The following MICU2 variants were observed in gnomAD, a reference collection of about 807,000 sequenced individuals.
The protein encoded by MICU2 is calcium uptake protein 2, mitochondrial.
Under a neutral mutation model 60.4 loss-of-function variants are expected in MICU2, and 64 were observed. The ratio of observed to expected loss-of-function variants is 1.06; its 90% confidence interval spans 0.87 to 1.31. The LOEUF is 1.31. Among genes scored for constraint, MICU2 ranks in the 50% most tolerant of loss-of-function variants. The pLI is 0.00. For missense variants in MICU2, 569 were observed against 531.0 expected, an observed-to-expected ratio of 1.07 and a Z score of -0.70; for synonymous variants, 201 against 175.0, an observed-to-expected ratio of 1.15 and a Z score of -1.17.
rs768348566 is a variant in MICU2, at chr13:21,496,171, AAG to A, written c.934-13_934-12del. Reference sequence around the variant, plus strand: ...ATCCAAACTAATGCTCTAATAAAGTAAGAGTTTTTATTACAATTTTGTAAGTA... The same window carrying A: ...ATCCAAACTAATGCTCTAATAAAGTAAGTTTTTATTACAATTTTGTAAGTA... On this transcript the variant is annotated splice_polypyrimidine_tract_variant and intron_variant, in intron 9 of 11. Coordinates refer to ENST00000382374, the MANE Select transcript of MICU2 (RefSeq NM_152726.3). The A allele has an allele frequency of 2.5e-6, 4 of 1,577,662 alleles. No individual in the cohort carries two copies. Among genetic ancestry groups the A allele is most frequent in the Admixed American group, 1.8e-5 (1 of 56,666 alleles).
chr13:21,544,242 T>C lies in MICU2; in HGVS notation c.359-4554A>G, dbSNP rs79685882. On this transcript the variant is annotated intron_variant, in intron 2 of 11. Transcript: ENST00000382374. ...AAACAGGTGAAATACTTCAGGACATTGGTTTGGGAAATGATTTTATGAATA... is the reference window on the plus strand; with the variant it reads ...AAACAGGTGAAATACTTCAGGACATCGGTTTGGGAAATGATTTTATGAATA... 5.2e-3 allele frequency among the ~76,000 whole-genome samples: 786 copies of C among 152,214 alleles called. 13 individuals carry two copies. Among genetic ancestry groups the C allele is most frequent in the African/African-American group, 0.018 (739 of 41,518 alleles).
Position 21,493,181 on chromosome 13 carries a change from A to T in MICU2, c.*68T>A. 1 of 960,252 alleles carries T rather than the reference A, an allele frequency of 1.0e-6. No individual in the cohort carries two copies. The highest frequency in any genetic ancestry group is 1.5e-6 in the Non-Finnish European group (1 of 648,908). 59.5% of individuals were successfully genotyped at this position (960,252 alleles called of 1,614,324 possible). On this transcript the variant is annotated 3_prime_UTR_variant, in exon 12 of 12. Transcript: ENST00000382374. ...TGAAGACTTAAGAAGATAAATAGCA[A>T]GTACTTCTAAAAAATCACAAATTTT...
At chr13:21,561,690 CTT>C (rs34858728) in intron 2 of MICU2, among the ~76,000 whole-genome samples, 31,682 of 135,020 alleles carry the variant, frequency 0.23, 4,320 homozygotes, top group East Asian at 0.68. Context: ...AAGTGGGTTT[CTT>C]TTTTTTTTTT....
At chr13:21,542,197 A>C (rs1303924764) in intron 2 of MICU2, among the ~76,000 whole-genome samples, 1 of 152,168 alleles carries the variant, frequency 6.6e-6, no homozygotes, top group Non-Finnish European at 1.5e-5. Flanking sequence ...CAGTTGTCTC[A>C]CCCAGGATGC....
intron 2 of MICU2, among the ~76,000 whole-genome samples, chr13:21,562,185 T>A (rs1200176197): frequency 6.6e-6 from 1 of 152,084 alleles, no homozygotes; most frequent in African/African-American, 2.4e-5. Context: ...TGTGCATGTG[T>A]CTTTATAGCA....
At chr13:21,501,268 C>CTT (rs1298258740) in intron 9 of MICU2, among the ~76,000 whole-genome samples, 4 of 145,330 alleles carry the variant, frequency 2.8e-5, no homozygotes, top group Admixed American at 1.4e-4. Context: ...CATATAAAGT[C>CTT]TTTTTTTTTT....
At chr13:21,533,908 G>A (rs562134519) in intron 4 of MICU2, among the ~76,000 whole-genome samples, 1 of 152,190 alleles carries the variant, frequency 6.6e-6, no homozygotes, top group South Asian at 2.1e-4. Flanking sequence ...TCACATCAAA[G>A]TCAAATATTT....
At chr13:21,585,850 A>G (rs779812859) in intron 1 of MICU2, among the ~76,000 whole-genome samples, 7 of 152,220 alleles carry the variant, frequency 4.6e-5, no homozygotes, top group Non-Finnish European at 1.0e-4. Flanking sequence ...CTCACAAAAT[A>G]AAAAATGAGT....
chr13:21,523,271 T>C (rs1284995344), intron 4 of MICU2, among the ~76,000 whole-genome samples: 5 of 152,188 alleles, frequency 3.3e-5, no homozygotes, highest in Admixed American at 6.5e-5. Context: ...CCAACCTCTA[T>C]CTAAATCTCC....
chr13:21,565,467 C>A (rs1191970450), intron 2 of MICU2, among the ~76,000 whole-genome samples: 1 of 152,082 alleles, frequency 6.6e-6, no homozygotes, highest in Admixed American at 6.6e-5. Context: ...ACCATCCTGG[C>A]AAACACAGTG....
Position 21,493,304 on chromosome 13 carries a change from T to G in MICU2, c.1250A>C (p.Glu417Ala), listed in dbSNP as rs1238743538. ...GACTTCTTTTACTCCTTTAATGCTT[T>G]CTTTCTTCACACACTTCCAGTATTC... ...IQEYWKCVKKESIKGVKEVWK... is the reference protein window; with the variant it reads ...IQEYWKCVKKASIKGVKEVWK... The change falls in exon 12 of 12, where the codon GAA becomes GCA. Residue 417 changes from glutamate to alanine, a missense_variant. Glu to Ala is a moderately radical substitution (Grantham distance 107). Coordinates refer to ENST00000382374, the MANE Select transcript of MICU2 (RefSeq NM_152726.3). 3.7e-6 allele frequency: 6 copies of G among 1,611,294 alleles called. No homozygotes were observed. The highest frequency in any genetic ancestry group is 1.7e-4 in the Middle Eastern group (1 of 6,052).
intron 9 of MICU2, among the ~76,000 whole-genome samples, chr13:21,501,345 C>T (rs1362396146): frequency 1.3e-5 from 2 of 152,004 alleles, no homozygotes; most frequent in Non-Finnish European, 2.9e-5. Flanking sequence ...TCACTGAAAG[C>T]TCTGCCTCCA....
At position 21,539,368 on chromosome 13, in the gene MICU2, C is replaced by G. The variant is rs1384289114; in HGVS notation, c.400G>C (p.Asp134His). Residue 134 changes from aspartate to histidine, a missense_variant, in exon 4 of 12, where the codon GAT (aspartate) becomes CAT (histidine). Coordinates refer to ENST00000382374, the MANE Select transcript of MICU2 (RefSeq NM_152726.3). ...GCTGTTTGGATCCCTGACAGTGTATCCTCGATGTCCTTTGAATACACATAT... is the reference window on the plus strand; with the variant it reads ...GCTGTTTGGATCCCTGACAGTGTATGCTCGATGTCCTTTGAATACACATAT... ...VKKLTKKDIE[D>H]TLSGIQTAGC... 1.2e-6 allele frequency: 2 copies of G among 1,613,716 alleles called. No homozygotes were observed. The highest frequency in any genetic ancestry group is 3.3e-4 in the Middle Eastern group (2 of 6,062).
At chr13:21,514,058 T>C (rs539562710) in intron 7 of MICU2, among the ~76,000 whole-genome samples, 3 of 152,306 alleles carry the variant, frequency 2.0e-5, no homozygotes, top group African/African-American at 4.8e-5. Context: ...AATACAGTCA[T>C]GTATTGCTGA....
chr13:21,532,610 G>T lies in MICU2; in HGVS notation c.466+6692C>A, dbSNP rs568906097. Among the ~76,000 whole-genome samples the T allele has an allele frequency of 3.3e-5, 5 of 152,300 alleles. No homozygotes were observed. The South Asian group carries it at 8.3e-4, about 25-fold the overall frequency. Reference sequence around the variant, plus strand: ...TTGTTGAATTTCATCAAAAGAGACAGAGAAGAAACAACTAGGATGGTGAGA... The same window carrying T: ...TTGTTGAATTTCATCAAAAGAGACATAGAAGAAACAACTAGGATGGTGAGA... On this transcript the variant is annotated intron_variant, in intron 4 of 11. Coordinates refer to ENST00000382374, the MANE Select transcript of MICU2 (RefSeq NM_152726.3).
intron 4 of MICU2, chr13:21,530,637 GTC>G (rs572783182): frequency 7.3e-5 from 22 of 300,946 alleles, no homozygotes; most frequent in South Asian, 6.6e-4. Context: ...TATCTACTAT[GTC>G]TCTCTCTCTG....
chr13:21,575,501 T>A (rs1166632603), intron 1 of MICU2, among the ~76,000 whole-genome samples: 1 of 149,076 alleles, frequency 6.7e-6, no homozygotes, highest in Non-Finnish European at 1.5e-5. Flanking sequence ...AGTGGGAGGA[T>A]CCCTTGAGCC....
Position 21,496,166 on chromosome 13 carries a change from AAAGT to A in MICU2, c.934-10_934-7del, listed in dbSNP as rs746503333. 15 of 1,592,276 alleles carry A rather than the reference AAAGT, an allele frequency of 9.4e-6. No homozygotes were observed. Among genetic ancestry groups the A allele is most frequent in the African/African-American group, 2.7e-5 (2 of 74,140 alleles). On this transcript the variant is annotated splice_polypyrimidine_tract_variant and splice_region_variant and intron_variant, in intron 9 of 11. Coordinates refer to ENST00000382374, the MANE Select transcript of MICU2 (RefSeq NM_152726.3). ...AATTCATCCAAACTAATGCTCTAAT[AAAGT>A]AAGAGTTTTTATTACAATTTTGTAA...
chr13:21,595,846 G>A (rs556547615), intron 1 of MICU2, among the ~76,000 whole-genome samples: 3 of 152,288 alleles, frequency 2.0e-5, no homozygotes, highest in African/African-American at 7.2e-5. Context: ...GTTCCTTCAC[G>A]GTCCACTCTC....
Sources: gnomAD v4.1 joint callset for allele counts (sites outside exome capture counted in the v4.1 genomes callset) on GRCh38, gnomAD v4.1.1 for gene constraint, MANE v1.5 for transcripts, NCBI Gene and HGNC (gene_info 2026-07-23, HGNC 2026-07-21) for gene names.